The following FYN variants were observed in gnomAD, a reference collection of about 807,000 sequenced individuals.
FYN encodes the protein FYN proto-oncogene, Src family tyrosine kinase, also known as tyrosine-protein kinase Fyn.
In FYN, 10 loss-of-function variants were observed where a neutral mutation model predicts 70.2. The observed-to-expected ratio is 0.14, with a 90% CI of 0.09 to 0.24. FYN has a LOEUF of 0.24. Ranked by LOEUF, FYN falls within the 10% of genes least tolerant of loss-of-function variation. FYN has a pLI of 1.00. For missense variants in FYN, 319 were observed against 673.1 expected, an observed-to-expected ratio of 0.47 and a Z score of 5.82; for synonymous variants, 236 against 248.6, an observed-to-expected ratio of 0.95 and a Z score of 0.48.
chr6:111,831,665 C>G (rs1773021538), intron 2 of FYN, among the ~76,000 whole-genome samples: 1 of 152,188 alleles, frequency 6.6e-6, no homozygotes, highest in Admixed American at 6.5e-5. Flanking sequence ...GTTGCACTTT[C>G]TCACAACCCA....
intron 4 of FYN, among the ~76,000 whole-genome samples, chr6:111,718,562 CA>C (rs1410772938): frequency 6.6e-6 from 1 of 152,156 alleles, no homozygotes; most frequent in Non-Finnish European, 1.5e-5. Flanking sequence ...GTAGAATTAA[CA>C]GTCTGGGCTG....
chr6:111,796,167 G>A (rs748629985), intron 2 of FYN, among the ~76,000 whole-genome samples: 5 of 152,268 alleles, frequency 3.3e-5, no homozygotes, highest in East Asian at 1.9e-4. Context: ...TTAGTCTGAC[G>A]TTTGAGCTAG....
chr6:111,709,005 T>C (rs1396736104), intron 5 of FYN: 1 of 152,176 alleles, frequency 6.6e-6, no homozygotes, highest in Admixed American at 6.5e-5. Context: ...GGGGAGGCCA[T>C]GGATGTGGCG....
intron 2 of FYN, among the ~76,000 whole-genome samples, chr6:111,822,130 G>A (rs997216623): frequency 9.2e-5 from 14 of 152,192 alleles, no homozygotes. Flanking sequence ...CCATTACTGG[G>A]TATATACTCA....
chr6:111,667,392 C>A (rs928061483), intron 13 of FYN, among the ~76,000 whole-genome samples: 72 of 152,034 alleles, frequency 4.7e-4, no homozygotes, highest in African/African-American at 1.7e-3. Context: ...TAGGTATGCA[C>A]CACCATGCCT....
chr6:111,802,065 C>A (rs1772003170), intron 2 of FYN, among the ~76,000 whole-genome samples: 1 of 152,202 alleles, frequency 6.6e-6, no homozygotes, highest in Non-Finnish European at 1.5e-5. Context: ...TGGTTTGGAT[C>A]TGTGTCCCAG....
At position 111,699,223 on chromosome 6, in the gene FYN, C is replaced by T. The variant is rs142129541; in HGVS notation, c.862+881G>A. On this transcript the variant is annotated intron_variant, in intron 9 of 13. Transcript: ENST00000354650. Reference sequence around the variant, plus strand: ...ATTGAGCAAAACGTCCATGGTCTTTCTTATGGCTGCCCATATACAGTATCT... The same window carrying T: ...ATTGAGCAAAACGTCCATGGTCTTTTTTATGGCTGCCCATATACAGTATCT... Among the ~76,000 whole-genome samples, 393 of 152,296 alleles carry T rather than the reference C, an allele frequency of 2.6e-3. 2 individuals carry two copies. Among genetic ancestry groups the T allele is most frequent in the African/African-American group, 9.2e-3 (381 of 41,558 alleles).
intron 13 of FYN, among the ~76,000 whole-genome samples, chr6:111,671,762 C>T (rs1798282422): frequency 2.0e-5 from 3 of 152,144 alleles, no homozygotes; most frequent in Admixed American, 6.5e-5. Context: ...GAGGAAGGTC[C>T]TTCTTTGCCT....
chr6:111,754,422 CA>C (rs1275273448), intron 3 of FYN: 1 of 152,192 alleles, frequency 6.6e-6, no homozygotes, highest in African/African-American at 2.4e-5. Flanking sequence ...AACTTTCAGA[CA>C]TAACACTTAC....
At chr6:111,699,602 A>G (rs768980136) in intron 9 of FYN, 2 of 1,614,190 alleles carry the variant, frequency 1.2e-6, no homozygotes, top group Non-Finnish European at 1.7e-6. Flanking sequence ...TCTTTAGCCA[A>G]TCCAGAAGTT....
chr6:111,767,602 A>G (rs1323444638), intron 3 of FYN, among the ~76,000 whole-genome samples: 2 of 152,094 alleles, frequency 1.3e-5, no homozygotes, highest in African/African-American at 2.4e-5. Context: ...GGGTTTCACC[A>G]TGTCAGCCAG....
At chr6:111,679,317 C>T (rs1056594545) in intron 12 of FYN, among the ~76,000 whole-genome samples, 2 of 152,222 alleles carry the variant, frequency 1.3e-5, no homozygotes, top group Non-Finnish European at 2.9e-5. Flanking sequence ...GCACCTCCCT[C>T]TTTGTAGTTG....
chr6:111,697,381 C>T (rs906168437), intron 9 of FYN, among the ~76,000 whole-genome samples: 1 of 152,070 alleles, frequency 6.6e-6, no homozygotes, highest in Non-Finnish European at 1.5e-5. Flanking sequence ...GGGAAGAAAT[C>T]TGCTAATTTA....
At chr6:111,729,431 C>T (rs1025809169) in intron 3 of FYN, among the ~76,000 whole-genome samples, 3 of 149,472 alleles carry the variant, frequency 2.0e-5, no homozygotes, top group Non-Finnish European at 4.4e-5. Context: ...GCTGAGATGG[C>T]GCCACTGCAC....
chr6:111,848,337 T>C (rs1265773655), intron 1 of FYN, among the ~76,000 whole-genome samples: 1 of 152,210 alleles, frequency 6.6e-6, no homozygotes, highest in Non-Finnish European at 1.5e-5. Context: ...TACCCTTCTT[T>C]CAAGCATACT....
intron 3 of FYN, among the ~76,000 whole-genome samples, chr6:111,739,708 G>A (rs1379352734): frequency 6.6e-6 from 1 of 152,206 alleles, no homozygotes; most frequent in Non-Finnish European, 1.5e-5. Context: ...TGATTAAGAT[G>A]AAGGGTTTCT....
At chr6:111,710,769 C>T (rs1484754098) in intron 5 of FYN, among the ~76,000 whole-genome samples, 1 of 152,142 alleles carries the variant, frequency 6.6e-6, no homozygotes, top group African/African-American at 2.4e-5. Context: ...AATAGATATA[C>T]TCTATATTCA....
intron 3 of FYN, among the ~76,000 whole-genome samples, chr6:111,748,854 A>C (rs1195896426): frequency 2.0e-5 from 3 of 152,208 alleles, no homozygotes; most frequent in African/African-American, 7.2e-5. Flanking sequence ...CGGTAATTTA[A>C]AATTAATTAC....
intron 1 of FYN, among the ~76,000 whole-genome samples, chr6:111,863,322 C>T (rs1774017580): frequency 1.3e-5 from 2 of 152,180 alleles, no homozygotes; most frequent in South Asian, 4.1e-4. Context: ...GGCAATACAT[C>T]ACACAATCTC....
Sources: allele counts gnomAD v4.1 joint callset (sites outside exome capture counted in the v4.1 genomes callset), GRCh38; gene constraint gnomAD v4.1.1; transcripts MANE v1.5; gene names NCBI Gene and HGNC (gene_info 2026-07-23, HGNC 2026-07-21).